The following SH3KBP1 variants were observed in gnomAD, a reference collection of about 807,000 sequenced individuals.
SH3KBP1 encodes SH3 domain containing kinase binding protein 1.
A neutral mutation model predicts 50.1 loss-of-function variants in SH3KBP1; 8 were observed. That is an observed-to-expected ratio of 0.16 (90% CI 0.09 to 0.29). SH3KBP1 has a LOEUF of 0.29. Among genes scored for constraint, SH3KBP1 ranks in the 10% least tolerant of loss-of-function variants. The pLI is 1.00. For synonymous variants in SH3KBP1, 227 were observed against 218.6 expected (o/e 1.04, Z -0.34); for missense variants, 377 against 535.2 (o/e 0.70, Z 2.92).
chrX:19,785,610 C>T (rs765256159), intron 2 of SH3KBP1, among the ~76,000 whole-genome samples: 6 of 111,782 alleles, frequency 5.4e-5, no homozygotes, highest in African/African-American at 1.9e-4. Context: ...TGATGTGCTA[C>T]AGCATGAAAT....
intron 1 of SH3KBP1, among the ~76,000 whole-genome samples, chrX:19,855,813 A>C (rs2068628727): frequency 1.8e-5 from 2 of 112,374 alleles, no homozygotes; most frequent in South Asian, 7.2e-4. Flanking sequence ...GACACCGCAA[A>C]CATTAATTTC....
At chrX:19,608,456 T>C (rs1397132914) in intron 8 of SH3KBP1, among the ~76,000 whole-genome samples, 1 of 109,159 alleles carries the variant, frequency 9.2e-6, no homozygotes, top group Admixed American at 9.8e-5. Context: ...TACAGGCACG[T>C]GCCACAATGC....
At chrX:19,605,977 A>G (rs765713630) in intron 9 of SH3KBP1, among the ~76,000 whole-genome samples, 139 of 112,112 alleles carry the variant, frequency 1.2e-3, no homozygotes, top group African/African-American at 3.8e-3. Context: ...CAAGATACCA[A>G]GATAACTGTG....
At chrX:19,876,488 C>T (rs1374073103) in intron 1 of SH3KBP1, among the ~76,000 whole-genome samples, 2 of 111,838 alleles carry the variant, frequency 1.8e-5, no homozygotes, top group South Asian at 3.7e-4. Context: ...AGAACTTTTC[C>T]GAAGTCCACC....
intron 1 of SH3KBP1, among the ~76,000 whole-genome samples, chrX:19,838,179 T>G (rs1416274998): frequency 8.9e-6 from 1 of 112,361 alleles, no homozygotes; most frequent in Non-Finnish European, 1.9e-5. Flanking sequence ...TCTATTCATT[T>G]TGTTTTAACT....
intron 6 of SH3KBP1, among the ~76,000 whole-genome samples, chrX:19,677,709 T>C (rs182148532): frequency 5.4e-4 from 61 of 112,492 alleles, no homozygotes; most frequent in African/African-American, 1.9e-3. Context: ...ATCCCCCACA[T>C]ACTATCAAAC....
intron 8 of SH3KBP1, among the ~76,000 whole-genome samples, chrX:19,613,172 G>A (rs184719606): frequency 1.4e-3 from 158 of 112,384 alleles, no homozygotes; most frequent in African/African-American, 4.9e-3. Flanking sequence ...GCAGGATGGT[G>A]AGGCAGTAGC....
intron 17 of SH3KBP1, among the ~76,000 whole-genome samples, chrX:19,537,129 G>A (rs1307398564): frequency 9.0e-6 from 1 of 111,345 alleles, no homozygotes; most frequent in Non-Finnish European, 1.9e-5. Context: ...CTTGGAAATG[G>A]AGGTGGGAGA....
At chrX:19,628,485 G>C (rs1244813199) in intron 8 of SH3KBP1, among the ~76,000 whole-genome samples, 1 of 111,430 alleles carries the variant, frequency 9.0e-6, no homozygotes, top group Non-Finnish European at 1.9e-5. Context: ...AGGAACAGTG[G>C]AGCTGGGATT....
intron 7 of SH3KBP1, among the ~76,000 whole-genome samples, chrX:19,636,945 T>C (rs988367724): frequency 8.9e-6 from 1 of 112,239 alleles, no homozygotes; most frequent in African/African-American, 3.2e-5. Flanking sequence ...TTCCTTTCCC[T>C]TGGGACAGTA....
chrX:19,577,983 A>G (rs2066255011), intron 12 of SH3KBP1, among the ~76,000 whole-genome samples: 1 of 111,190 alleles, frequency 9.0e-6, no homozygotes, highest in South Asian at 3.8e-4. Context: ...AGGAAAGGAA[A>G]AGAAATAGAA....
intron 2 of SH3KBP1, among the ~76,000 whole-genome samples, chrX:19,784,305 G>C (rs2147133671): frequency 8.9e-6 from 1 of 112,068 alleles, no homozygotes; most frequent in East Asian, 2.8e-4. Context: ...GAGGAGGTTT[G>C]TTTTCTATCC....
intron 15 of SH3KBP1, among the ~76,000 whole-genome samples, chrX:19,544,163 C>T (rs2065020814): frequency 9.0e-6 from 1 of 110,642 alleles, no homozygotes; most frequent in Non-Finnish European, 1.9e-5. Flanking sequence ...TCATTCCCAG[C>T]CTCTCTGCTC....
chrX:19,546,274 C>G (rs2065082699), intron 14 of SH3KBP1, among the ~76,000 whole-genome samples: 1 of 112,313 alleles, frequency 8.9e-6, no homozygotes, highest in Non-Finnish European at 1.9e-5. Flanking sequence ...AACCAGGGAT[C>G]TTGCCACTGA....
intron 2 of SH3KBP1, among the ~76,000 whole-genome samples, chrX:19,812,026 C>G (rs1290017428): frequency 8.9e-6 from 1 of 111,862 alleles, no homozygotes; most frequent in East Asian, 2.8e-4. Context: ...GACCACCTGC[C>G]TCTAGAAACC....
chrX:19,743,636 T>C (rs7058000), intron 3 of SH3KBP1, among the ~76,000 whole-genome samples: 5,372 of 111,476 alleles, frequency 0.048, 323 homozygotes, highest in African/African-American at 0.17. Flanking sequence ...TCTGACCTTA[T>C]GCAGGTGTCT....
intron 8 of SH3KBP1, among the ~76,000 whole-genome samples, chrX:19,608,752 T>C (rs767673435): frequency 8.9e-6 from 1 of 112,504 alleles, no homozygotes; most frequent in South Asian, 3.7e-4. Flanking sequence ...CTTGTCAATA[T>C]TGAAAAAAGG....
At chrX:19,551,488 C>T (rs2065236173) in intron 13 of SH3KBP1, among the ~76,000 whole-genome samples, 1 of 109,786 alleles carries the variant, frequency 9.1e-6, no homozygotes, top group Non-Finnish European at 1.9e-5. Flanking sequence ...TCTCAGGGGC[C>T]TTCCCTTTAA....
chrX:19,695,594 T>C lies in SH3KBP1; in HGVS notation c.520+18A>G, dbSNP rs760490962. The stretch of plus-strand genomic sequence containing the variant: ...GGTCCCCCGCCCCTCTCCTGCTTGG[T>C]AGGGTAGACTTCCTTACTTGACTTG... On this transcript the variant is annotated intron_variant, in intron 5 of 17. Coordinates refer to ENST00000397821, the MANE Select transcript of SH3KBP1 (RefSeq NM_031892.3). 1.7e-6 allele frequency: 2 copies of C among 1,205,251 alleles called. No homozygotes were observed. Among genetic ancestry groups the C allele is most frequent in the African/African-American group, 3.6e-5 (2 of 56,303 alleles).
Sources: allele counts gnomAD v4.1 joint callset (sites outside exome capture counted in the v4.1 genomes callset), GRCh38; gene constraint gnomAD v4.1.1; transcripts MANE v1.5; gene names NCBI Gene and HGNC (gene_info 2026-07-23, HGNC 2026-07-21).